Variants in RELL1 observed in about 807,000 individuals in gnomAD.
RELL1 encodes the protein RELT-like protein 1.
RELL1 carries 10 observed loss-of-function variants against 23.0 expected under a neutral mutation model. That is an observed-to-expected ratio of 0.43 (90% CI 0.27 to 0.74). RELL1 has a LOEUF of 0.74. Among genes scored for constraint, RELL1 ranks in the 30% least tolerant of loss-of-function variants. The pLI, the probability that RELL1 is intolerant of heterozygous loss-of-function variation, is 0.19. For synonymous variants in RELL1, 146 were observed against 146.8 expected, an observed-to-expected ratio of 0.99 and a Z score of 0.04; for missense variants, 315 against 364.4, an observed-to-expected ratio of 0.86 and a Z score of 1.10.
intron 1 of RELL1, among the ~76,000 whole-genome samples, chr4:37,656,046 C>A (rs951844213): frequency 3.9e-5 from 6 of 152,184 alleles, no homozygotes; most frequent in African/African-American, 4.8e-5. Flanking sequence ...TGAGGAGATA[C>A]CTGCACTCCC....
chr4:37,590,246 C>T, downstream of RELL1: 1 of 1,614,212 alleles, frequency 6.2e-7, no homozygotes, highest in Non-Finnish European at 8.5e-7. Flanking sequence ...TCAAAGAAGA[C>T]TGAGAGCAGC....
intron 6 of RELL1, among the ~76,000 whole-genome samples, chr4:37,604,792 C>G (rs1415449184): frequency 2.6e-4 from 26 of 100,802 alleles, no homozygotes; most frequent in South Asian, 1.6e-3. Context: ...CACAGACACA[C>G]ACACAGACAC....
chr4:37,670,665 G>A (rs1338394207), intron 1 of RELL1, among the ~76,000 whole-genome samples: 1 of 151,502 alleles, frequency 6.6e-6, no homozygotes, highest in African/African-American at 2.4e-5. Flanking sequence ...CTGCCTTCCA[G>A]GTTCAAGTGA....
At chr4:37,665,916 G>T in intron 1 of RELL1, among the ~76,000 whole-genome samples, 1 of 152,042 alleles carries the variant, frequency 6.6e-6, no homozygotes, top group Non-Finnish European at 1.5e-5. Flanking sequence ...CTAATCACAT[G>T]GGGAAAAAAT....
At chr4:37,614,899 AG>A (rs1174230179) in intron 6 of RELL1, among the ~76,000 whole-genome samples, 2 of 152,202 alleles carry the variant, frequency 1.3e-5, no homozygotes, top group South Asian at 2.1e-4. Flanking sequence ...ACTGCAACCT[AG>A]AAACACTCCT....
At chr4:37,653,499 T>G (rs1485534299) in intron 1 of RELL1, among the ~76,000 whole-genome samples, 1 of 152,180 alleles carries the variant, frequency 6.6e-6, no homozygotes, top group African/African-American at 2.4e-5. Context: ...GAAAATGGCA[T>G]GAACCACAGA....
At chr4:37,643,159 A>G (rs922917850) in intron 3 of RELL1, among the ~76,000 whole-genome samples, 1 of 152,218 alleles carries the variant, frequency 6.6e-6, no homozygotes, top group African/African-American at 2.4e-5. Flanking sequence ...CTAGGTAGAC[A>G]GAGTCAGAAC....
intron 1 of RELL1, among the ~76,000 whole-genome samples, chr4:37,650,985 C>A (rs999557886): frequency 6.7e-6 from 1 of 148,622 alleles, no homozygotes; most frequent in Non-Finnish European, 1.5e-5. Context: ...CTTGAGCCTG[C>A]GAGGCAGAGG....
chr4:37,597,881 T>C (rs2109481185), intron 6 of RELL1, among the ~76,000 whole-genome samples: 1 of 151,722 alleles, frequency 6.6e-6, no homozygotes, highest in Middle Eastern at 3.4e-3. Flanking sequence ...CGAAACCCTG[T>C]CTCTACTAAA....
intron 6 of RELL1, among the ~76,000 whole-genome samples, chr4:37,597,958 G>A (rs1271257111): frequency 1.3e-5 from 2 of 151,594 alleles, no homozygotes; most frequent in Non-Finnish European, 2.9e-5. Context: ...GGCTGAGGCA[G>A]GAGAATTGCT....
chr4:37,684,954 A>G (rs1321375014), intron 1 of RELL1, among the ~76,000 whole-genome samples: 2 of 152,170 alleles, frequency 1.3e-5, no homozygotes, highest in African/African-American at 4.8e-5. Context: ...CCCTGTATCA[A>G]AATAAGGAAA....
chr4:37,598,112 C>G (rs1406962604), intron 6 of RELL1, among the ~76,000 whole-genome samples: 2 of 121,206 alleles, frequency 1.7e-5, no homozygotes, highest in Non-Finnish European at 3.6e-5. Flanking sequence ...CCTATAGCTA[C>G]TTTTCTGCAA....
chr4:37,638,824 C>A (rs1720424129), intron 3 of RELL1, among the ~76,000 whole-genome samples: 1 of 152,192 alleles, frequency 6.6e-6, no homozygotes, highest in African/African-American at 2.4e-5. Flanking sequence ...CACACCAACT[C>A]CACCAAACTA....
At chr4:37,684,741 T>A (rs1343315523) in intron 1 of RELL1, among the ~76,000 whole-genome samples, 1 of 151,810 alleles carries the variant, frequency 6.6e-6, no homozygotes, top group African/African-American at 2.4e-5. Context: ...TCACTTGAGG[T>A]CGGGAGTTCG....
intron 6 of RELL1, among the ~76,000 whole-genome samples, chr4:37,615,925 T>C (rs1380534273): frequency 6.6e-6 from 1 of 152,110 alleles, no homozygotes; most frequent in East Asian, 1.9e-4. Flanking sequence ...GCCATATGTC[T>C]CTGATTAGGA....
At chr4:37,668,562 G>A (rs1336354521) in intron 1 of RELL1, among the ~76,000 whole-genome samples, 4 of 151,998 alleles carry the variant, frequency 2.6e-5, no homozygotes, top group Admixed American at 6.6e-5. Context: ...ATCTCGGCTC[G>A]CTACAACATC....
rs777012113 is a variant in RELL1, at chr4:37,634,943, C to T, written c.624G>A (p.Lys208=). Residue 208 remains lysine, a synonymous_variant, in exon 5 of 7, where the codon AAG becomes AAA. Transcript: ENST00000454158. ...KRWHFIKPTN[K]SRESRPRRQG... ...GGCGCCGTGGTCTGCTCTCTCTGGA[C>T]TTGTTAGTGGGCTTTATAAAGTGCC... is the stretch of plus-strand genomic sequence containing the variant. 6.2e-7 allele frequency: 1 copy of T among 1,614,262 alleles called. No individual in the cohort carries two copies. The highest frequency in any genetic ancestry group is 8.5e-7 in the Non-Finnish European group (1 of 1,180,052).
At chr4:37,614,700 G>A (rs1719517228) in intron 6 of RELL1, among the ~76,000 whole-genome samples, 1 of 151,658 alleles carries the variant, frequency 6.6e-6, no homozygotes, top group African/African-American at 2.4e-5. Context: ...AAAAATGAGA[G>A]GGAATTTTCC....
chr4:37,681,108 G>A (rs1031590410), intron 1 of RELL1, among the ~76,000 whole-genome samples: 1 of 152,100 alleles, frequency 6.6e-6, no homozygotes, highest in Non-Finnish European at 1.5e-5. Context: ...TAGCTAAAGG[G>A]AAATGAGAAA....
Sources: gnomAD v4.1 joint callset for allele counts (sites outside exome capture counted in the v4.1 genomes callset) on GRCh38, gnomAD v4.1.1 for gene constraint, MANE v1.5 for transcripts, NCBI Gene and HGNC (gene_info 2026-07-23, HGNC 2026-07-21) for gene names.